Variants in PARD3 observed in about 807,000 individuals in gnomAD.
PARD3 encodes the protein par-3 family cell polarity regulator.
PARD3 carries 75 observed loss-of-function variants against 155.4 expected under a neutral mutation model. The ratio of observed to expected loss-of-function variants is 0.48; its 90% CI spans 0.40 to 0.58. PARD3 has a LOEUF of 0.58. Among genes scored for constraint, PARD3 ranks in the 20% least tolerant of loss-of-function variants. The probability of loss-of-function intolerance (pLI) is 0.00; values close to 1 mark genes in which losing one functional copy is unlikely to be tolerated. For missense variants in PARD3, 1,642 were observed against 1,721.7 expected, an observed-to-expected ratio of 0.95 and a Z score of 0.82; for synonymous variants, 576 against 610.5, an observed-to-expected ratio of 0.94 and a Z score of 0.83.
intron 22 of PARD3, among the ~76,000 whole-genome samples, chr10:34,224,419 G>A (rs531479404): frequency 1.6e-3 from 238 of 152,312 alleles, no homozygotes; most frequent in African/African-American, 5.5e-3. Context: ...GGTGTCACTC[G>A]AGTGTGCATG....
chr10:34,599,080 T>G (rs928935443), intron 2 of PARD3, among the ~76,000 whole-genome samples: 1 of 151,960 alleles, frequency 6.6e-6, no homozygotes, highest in Non-Finnish European at 1.5e-5. Context: ...CCCCATTCTC[T>G]ACAACCATCA....
chr10:34,571,029 C>T (rs996207201), intron 2 of PARD3, among the ~76,000 whole-genome samples: 6 of 152,082 alleles, frequency 3.9e-5, no homozygotes, highest in Non-Finnish European at 8.8e-5. Flanking sequence ...AGAAATGTTT[C>T]GACTGGGCGT....
chr10:34,732,723 G>A (rs2094841682), intron 1 of PARD3, among the ~76,000 whole-genome samples: 1 of 152,144 alleles, frequency 6.6e-6, no homozygotes. Context: ...ATTAGTAATT[G>A]ATTAATCGGT....
At chr10:34,621,442 C>G (rs942144773) in intron 2 of PARD3, among the ~76,000 whole-genome samples, 2 of 151,998 alleles carry the variant, frequency 1.3e-5, no homozygotes, top group African/African-American at 4.8e-5. Context: ...AGTGATCCAC[C>G]CACGCTCGGC....
At chr10:34,342,870 C>T (rs1836983193) in intron 15 of PARD3, among the ~76,000 whole-genome samples, 1 of 152,190 alleles carries the variant, frequency 6.6e-6, no homozygotes, top group Non-Finnish European at 1.5e-5. Flanking sequence ...AACCCCTTCT[C>T]AGCACGTTAC....
intron 1 of PARD3, among the ~76,000 whole-genome samples, chr10:34,738,525 T>A (rs1443887248): frequency 6.6e-6 from 1 of 151,780 alleles, no homozygotes; most frequent in African/African-American, 2.4e-5. Context: ...CACTACCTCA[T>A]TAAAATACCT....
intron 2 of PARD3, among the ~76,000 whole-genome samples, chr10:34,581,056 A>T (rs892344243): frequency 6.6e-6 from 1 of 152,192 alleles, no homozygotes; most frequent in Non-Finnish European, 1.5e-5. Context: ...AATTAGCTTA[A>T]GTACTTGAAC....
At chr10:34,226,470 A>G (rs925478247) in intron 22 of PARD3, among the ~76,000 whole-genome samples, 3 of 152,240 alleles carry the variant, frequency 2.0e-5, no homozygotes, top group African/African-American at 7.2e-5. Flanking sequence ...GAACTGCTTG[A>G]ATCCAGGGGG....
chr10:34,532,002 G>T (rs1236178366), intron 2 of PARD3, among the ~76,000 whole-genome samples: 1 of 150,340 alleles, frequency 6.7e-6, no homozygotes, highest in East Asian at 1.9e-4. Context: ...AACAGGAGGG[G>T]GCTATGATAT....
chr10:34,181,788 T>C (rs921319312), intron 22 of PARD3, among the ~76,000 whole-genome samples: 2 of 152,110 alleles, frequency 1.3e-5, no homozygotes, highest in Non-Finnish European at 2.9e-5. Context: ...TTGACCTCTA[T>C]GCAAATGACT....
At chr10:34,461,654 T>A (rs749076200) in intron 4 of PARD3, among the ~76,000 whole-genome samples, 88 of 152,140 alleles carry the variant, frequency 5.8e-4, no homozygotes, top group Non-Finnish European at 1.1e-3. Context: ...TCAAATGAGA[T>A]TAAAATATTT....
Position 34,808,947 on chromosome 10 carries a change from T to C in PARD3, c.120+5929A>G, listed in dbSNP as rs957435173. ...TCAGAGGCGCCAGACCAAGCATAGGTGTGTTCCAGGGCCAGATTCTCACAC... is the reference window on the plus strand; with the variant it reads ...TCAGAGGCGCCAGACCAAGCATAGGCGTGTTCCAGGGCCAGATTCTCACAC... On this transcript the variant is annotated intron_variant, in intron 1 of 24. Coordinates refer to ENST00000374788, the MANE Select transcript of PARD3 (RefSeq NM_001184785.2). Among the ~76,000 whole-genome samples the C allele has an allele frequency of 2.6e-5, 4 of 152,180 alleles. No homozygotes were observed. The East Asian group carries it at 7.7e-4, about 29-fold the overall frequency.
intron 22 of PARD3, among the ~76,000 whole-genome samples, chr10:34,192,725 C>T (rs1950768414): frequency 6.6e-6 from 1 of 152,108 alleles, no homozygotes; most frequent in South Asian, 2.1e-4. Flanking sequence ...TGTCTTGCTC[C>T]TAGAATGTTC....
At chr10:34,597,507 C>A (rs1419720088) in intron 2 of PARD3, among the ~76,000 whole-genome samples, 1 of 152,056 alleles carries the variant, frequency 6.6e-6, no homozygotes, top group East Asian at 1.9e-4. Flanking sequence ...CAGCTCGCTG[C>A]ACCCTCCAAC....
At chr10:34,555,841 C>T (rs1248361285) in intron 2 of PARD3, among the ~76,000 whole-genome samples, 1 of 152,154 alleles carries the variant, frequency 6.6e-6, no homozygotes, top group Non-Finnish European at 1.5e-5. Flanking sequence ...CTATCACCCA[C>T]AGCCACAGCC....
intron 1 of PARD3, among the ~76,000 whole-genome samples, chr10:34,722,828 T>C (rs1352491508): frequency 6.6e-6 from 1 of 152,184 alleles, no homozygotes; most frequent in Non-Finnish European, 1.5e-5. Flanking sequence ...TTTTGACAAA[T>C]ACATATATTG....
chr10:34,208,978 T>C (rs538036545), intron 22 of PARD3, among the ~76,000 whole-genome samples: 1 of 152,366 alleles, frequency 6.6e-6, no homozygotes, highest in Admixed American at 6.5e-5. Flanking sequence ...TTCAGAAATA[T>C]ACTTGTCTAA....
intron 18 of PARD3, among the ~76,000 whole-genome samples, chr10:34,334,851 G>A (rs1463208576): frequency 2.0e-5 from 3 of 151,728 alleles, no homozygotes; most frequent in Admixed American, 1.3e-4. Flanking sequence ...GTTATCTAAC[G>A]CACTGAGTTA....
At chr10:34,386,547 GCA>G (rs943495779) in intron 7 of PARD3, among the ~76,000 whole-genome samples, 2 of 152,106 alleles carry the variant, frequency 1.3e-5, no homozygotes, top group Non-Finnish European at 2.9e-5. Context: ...TATTGGCTGG[GCA>G]CAGTGGTTCA....
Sources: gnomAD v4.1 joint callset for allele counts (sites outside exome capture counted in the v4.1 genomes callset) on GRCh38, gnomAD v4.1.1 for gene constraint, MANE v1.5 for transcripts, NCBI Gene and HGNC (gene_info 2026-07-23, HGNC 2026-07-21) for gene names.